The following ADGRG2 variants were observed in gnomAD, a reference collection of about 807,000 sequenced individuals.
ADGRG2 encodes G protein-coupled receptor 64.
In ADGRG2, 26 loss-of-function variants were observed where a neutral mutation model predicts 74.1. That is an observed-to-expected ratio of 0.35 (90% CI 0.26 to 0.49). The LOEUF is 0.49. ADGRG2 is among the 20% of genes least tolerant of loss of function. The pLI is 0.99. For synonymous variants in ADGRG2, 296 were observed against 295.2 expected (o/e 1.00, Z -0.03); for missense variants, 619 against 763.1 (o/e 0.81, Z 2.22).
At chrX:19,052,228 A>G in intron 3 of ADGRG2, among the ~76,000 whole-genome samples, 1 of 111,880 alleles carries the variant, frequency 8.9e-6, no homozygotes, top group Middle Eastern at 4.6e-3. Context: ...CATTCACTCT[A>G]TGCTGTCTGG....
At position 19,010,642 on chromosome X, in the gene ADGRG2, C is replaced by T. The variant is rs1358653133; in HGVS notation, c.1236G>A (p.Pro412=). The stretch of plus-strand genomic sequence containing the variant: ...GAGCCAGAGGGGCCAGCATGTCAGG[C>T]GGGGAATGAAGGAGTCTGCTGACTT... ...INQVSRLLHS[P]PDMLAPLAQR... The change falls in exon 17 of 29, where the codon CCG becomes CCA. Residue 412 remains proline (P), a synonymous_variant. Transcript: ENST00000379869. 9.9e-6 allele frequency: 12 copies of T among 1,208,549 alleles called. No homozygotes were observed. Among genetic ancestry groups the T allele is most frequent in the East Asian group, 5.9e-5 (2 of 33,695 alleles).
chrX:18,995,143 T>C, intron 27 of ADGRG2, 95 bp from the exon 28 acceptor site: 2 of 594,643 alleles, frequency 3.4e-6, no homozygotes, highest in Non-Finnish European at 5.2e-6. Flanking sequence ...AAGCAACTGA[T>C]TTCTCACTTC....
chrX:19,045,016 G>A (rs1451273825), intron 3 of ADGRG2, among the ~76,000 whole-genome samples: 1 of 111,569 alleles, frequency 9.0e-6, no homozygotes, highest in African/African-American at 3.3e-5. Flanking sequence ...AAAAGTGGAA[G>A]AGGCAGGCAG....
At chrX:19,070,864 C>T (rs2061642436) in intron 2 of ADGRG2, among the ~76,000 whole-genome samples, 1 of 112,036 alleles carries the variant, frequency 8.9e-6, no homozygotes. Flanking sequence ...ATCTAGCAAA[C>T]TGAGACAACA....
chrX:19,038,788 C>G (rs770624626), intron 4 of ADGRG2, among the ~76,000 whole-genome samples: 117 of 111,867 alleles, frequency 1.0e-3, no homozygotes, highest in African/African-American at 3.7e-3. Flanking sequence ...TGTGTCCCCC[C>G]AGAGTCCCAT....
chrX:19,072,656 G>C (rs2061673398), intron 2 of ADGRG2, among the ~76,000 whole-genome samples: 1 of 111,087 alleles, frequency 9.0e-6, no homozygotes, highest in African/African-American at 3.3e-5. Context: ...TCCAAATGCA[G>C]GTAGGAAAGG....
At chrX:19,062,698 G>T (rs1359219534) in intron 3 of ADGRG2, among the ~76,000 whole-genome samples, 1 of 111,121 alleles carries the variant, frequency 9.0e-6, no homozygotes, top group East Asian at 2.8e-4. Flanking sequence ...TCGCAAGGAA[G>T]ACCAAGGACT....
rs769854748 is a variant in ADGRG2 at position 19,010,682 on chromosome X, C to T, written c.1196G>A (p.Gly399Glu). 8.3e-7 allele frequency: 1 copy of T among 1,208,001 alleles called. No individual in the cohort carries two copies. The highest frequency in any genetic ancestry group is 1.1e-6 in the Non-Finnish European group (1 of 892,468). Reference protein sequence around the residue: ...SLGSLEPNLAGEMINQVSRLL... With the variant: ...SLGSLEPNLAEEMINQVSRLL... ...TCTGCTGACTTGGTTGATCATTTCT[C>T]CTGCGAGGTTAGGCTCCAGGCTGCC... The change falls in exon 17 of 29, where the codon GGA becomes GAA. Residue 399 changes from glycine to glutamate, a missense_variant. Physicochemically the swap from Gly to Glu is moderately conservative, Grantham distance 98. Transcript: ENST00000379869.
Position 19,023,319 on chromosome X carries a change from G to A in ADGRG2, c.548+97C>T, listed in dbSNP as rs1041277865. The A allele has an allele frequency of 8.6e-6, 4 of 466,048 alleles. No individual in the cohort carries two copies. In the African/African-American group the frequency reaches 9.9e-5, roughly 12 times the overall value. 38.4% of individuals were successfully genotyped at this position (466,048 alleles called of 1,213,427 possible). On this transcript the variant is annotated intron_variant, in intron 13 of 28. Coordinates refer to ENST00000379869, the MANE Select transcript of ADGRG2 (RefSeq NM_001079858.3). Reference sequence around the variant, plus strand: ...TCATTAATATGTATTTATTTTAGAGGACCCCCTTTGCATTTGCAATTTAAC... The same window carrying A: ...TCATTAATATGTATTTATTTTAGAGAACCCCCTTTGCATTTGCAATTTAAC...
intron 18 of ADGRG2, among the ~76,000 whole-genome samples, chrX:19,009,239 G>A (rs963880135): frequency 9.2e-6 from 1 of 108,141 alleles, no homozygotes; most frequent in African/African-American, 3.4e-5. Flanking sequence ...GTGCAGTGGT[G>A]CAATCTTGGC....
intron 3 of ADGRG2, among the ~76,000 whole-genome samples, chrX:19,055,240 T>TTGTGTGTGTG (rs35438679): frequency 7.7e-5 from 8 of 103,621 alleles, no homozygotes; most frequent in African/African-American, 2.8e-4. Flanking sequence ...GCAAATCCCT[T>TTGTGTGTGTG]TGTGTGTGTG....
chrX:19,060,084 A>T (rs907853429), intron 3 of ADGRG2, among the ~76,000 whole-genome samples: 11 of 111,944 alleles, frequency 9.8e-5, no homozygotes, highest in African/African-American at 3.6e-4. Context: ...GTGATCCGAG[A>T]TCGCGCCACT....
Position 19,038,945 on chromosome X carries a change from G to A in ADGRG2, c.154+1244C>T, listed in dbSNP as rs186418282. 2.7e-5 allele frequency among the ~76,000 whole-genome samples: 3 copies of A among 112,046 alleles called. No homozygotes were observed. In the East Asian group the frequency reaches 8.4e-4, roughly 31 times the overall value. On this transcript the variant is annotated intron_variant, in intron 4 of 28. Coordinates refer to ENST00000379869, the MANE Select transcript of ADGRG2 (RefSeq NM_001079858.3). ...AAATTGGCGAGATCAAAAGAGCTTGGACTTTGGAGGCCTGCAGTCCTGGGT... is the reference window on the plus strand; with the variant it reads ...AAATTGGCGAGATCAAAAGAGCTTGAACTTTGGAGGCCTGCAGTCCTGGGT...
At chrX:19,051,369 C>G (rs763017822) in intron 3 of ADGRG2, among the ~76,000 whole-genome samples, 2 of 111,453 alleles carry the variant, frequency 1.8e-5, no homozygotes, top group Non-Finnish European at 3.8e-5. Context: ...CCACCGCGCC[C>G]GGCCCCATGA....
chrX:19,075,617 CAAAAAAAAAA>C (rs61690480), intron 2 of ADGRG2, among the ~76,000 whole-genome samples: 16 of 39,476 alleles, frequency 4.1e-4, no homozygotes, highest in Admixed American at 3.4e-4. Flanking sequence ...GACTTCGCCT[CAAAAAAAAAA>C]AAAAAAAAAA....
intron 15 of ADGRG2, among the ~76,000 whole-genome samples, chrX:19,018,111 CTTTTAT>C (rs202100204): frequency 0.058 from 6,399 of 110,301 alleles, 495 homozygotes; most frequent in African/African-American, 0.2. Context: ...GCCAGCAGGG[CTTTTAT>C]TTTTATTTTT....
At chrX:19,106,779 C>T (rs1436997779) in intron 1 of ADGRG2, among the ~76,000 whole-genome samples, 1 of 109,400 alleles carries the variant, frequency 9.1e-6, no homozygotes, top group African/African-American at 3.3e-5. Context: ...ATTAGCTGGG[C>T]GGTGGTGGCG....
chrX:19,097,093 C>T (rs1380943788), intron 1 of ADGRG2, among the ~76,000 whole-genome samples: 1 of 112,626 alleles, frequency 8.9e-6, no homozygotes, highest in Non-Finnish European at 1.9e-5. Context: ...CCCAGCCCCT[C>T]TCTGCCTCCC....
chrX:19,026,555 G>A (rs2060705915), intron 11 of ADGRG2, among the ~76,000 whole-genome samples: 1 of 108,599 alleles, frequency 9.2e-6, no homozygotes, highest in South Asian at 4.1e-4. Context: ...GAGTGCAATG[G>A]TGCAATCTTG....
Sources: gnomAD v4.1 joint callset for allele counts (sites outside exome capture counted in the v4.1 genomes callset) on GRCh38, gnomAD v4.1.1 for gene constraint, MANE v1.5 for transcripts, NCBI Gene and HGNC (gene_info 2026-07-23, HGNC 2026-07-21) for gene names.